The following TRRAP variants were observed in gnomAD, a reference collection of about 807,000 sequenced individuals.
The protein encoded by TRRAP is transformation/transcription domain associated protein, also known as transformation/transcription domain-associated protein.
TRRAP carries 41 observed loss-of-function variants against 438.8 expected under a neutral mutation model. That is an observed-to-expected ratio of 0.09 (90% CI 0.07 to 0.12). The LOEUF (loss-of-function observed/expected upper bound fraction) is 0.12, where lower values mean the gene tolerates loss of function less well. Ranked by LOEUF, TRRAP falls within the 10% of genes least tolerant of loss-of-function variation. The pLI is 1.00. For synonymous variants in TRRAP, 1,994 were observed against 1,962.9 expected, an observed-to-expected ratio of 1.02 and a Z score of -0.42; for missense variants, 3,122 against 5,055.1, an observed-to-expected ratio of 0.62 and a Z score of 11.60.
intron 31 of TRRAP, among the ~76,000 whole-genome samples, chr7:98,945,238 G>A (rs1213834313): frequency 6.6e-6 from 1 of 152,108 alleles, no homozygotes; most frequent in Non-Finnish European, 1.5e-5. Context: ...ACATACATGC[G>A]TGCACACACA....
chr7:98,891,675 A>G (rs1795986094), intron 4 of TRRAP, among the ~76,000 whole-genome samples: 2 of 151,346 alleles, frequency 1.3e-5, no homozygotes, highest in Non-Finnish European at 2.9e-5. Flanking sequence ...AGCTGGGACT[A>G]CAGGCGCCTG....
chr7:98,989,910 G>C (rs979867991), intron 63 of TRRAP, among the ~76,000 whole-genome samples: 1 of 152,206 alleles, frequency 6.6e-6, no homozygotes, highest in Non-Finnish European at 1.5e-5. Flanking sequence ...CAGTGGATTA[G>C]ATCAGCGAGT....
At chr7:99,010,311 T>A (rs1794373599) in intron 70 of TRRAP, among the ~76,000 whole-genome samples, 1 of 152,228 alleles carries the variant, frequency 6.6e-6, no homozygotes, top group South Asian at 2.1e-4. Flanking sequence ...TCTCACTGCT[T>A]AAGGAGCAGA....
In TRRAP at chr7:99,011,564, C is replaced by A; in HGVS notation, c.11337+29C>A. 1 of 1,603,966 alleles carries A rather than the reference C, an allele frequency of 6.2e-7. No individual in the cohort carries two copies. The highest frequency in any genetic ancestry group is 8.5e-7 in the Non-Finnish European group (1 of 1,175,280). ...GGTCTCCACGTCGTCCTATCACAGG[C>A]GCAGGCTAGAGCCACTCAGATGCCC... On this transcript the variant is annotated intron_variant, in intron 72 of 72. Transcript: ENST00000456197. The surrounding 1 kb of genome is among the most constrained non-coding windows in gnomAD (Gnocchi z 7.1).
At position 98,956,875 on chromosome 7, in the gene TRRAP, G is replaced by A. The variant is rs575133621; in HGVS notation, c.6231+342G>A. Among the ~76,000 whole-genome samples, 3 of 152,280 alleles carry A rather than the reference G, an allele frequency of 2.0e-5. No homozygotes were observed. Among genetic ancestry groups the A allele is most frequent in the East Asian group, 1.9e-4 (1 of 5,184 alleles). On this transcript the variant is annotated intron_variant, in intron 43 of 72. Coordinates refer to ENST00000456197, the MANE Select transcript of TRRAP (RefSeq NM_001375524.1). This position sits in a 1 kb window ranked among gnomAD's most constrained non-coding sequence, Gnocchi z 4.5. ...AGTTTCTGAGAAGGACATGTGTTCT[G>A]TTTCACGAGGCAGCCACCAAGAGGG...
intron 59 of TRRAP, among the ~76,000 whole-genome samples, chr7:98,982,496 C>T (rs60728304): frequency 2.6e-5 from 4 of 152,216 alleles, no homozygotes; most frequent in Non-Finnish European, 5.9e-5. Context: ...GAACCTGAGA[C>T]AGCGGGCATA....
chr7:98,953,875 G>C (rs1791462846), intron 40 of TRRAP, among the ~76,000 whole-genome samples: 1 of 152,172 alleles, frequency 6.6e-6, no homozygotes, highest in Non-Finnish European at 1.5e-5. Flanking sequence ...TCCCATGACT[G>C]TCCACGTTCT....
In TRRAP at chr7:98,976,644, C is replaced by T. The variant is rs1442544159; in HGVS notation, c.8121C>T (p.His2707=). The T allele has an allele frequency of 1.2e-6, 2 of 1,614,232 alleles. No homozygotes were observed. The highest frequency in any genetic ancestry group is 1.7e-6 in the Non-Finnish European group (2 of 1,180,050). The change falls in exon 55 of 73, where the codon CAC becomes CAT. Residue 2707 remains histidine, a synonymous_variant. Transcript: ENST00000456197. This position sits in a 1 kb window ranked among gnomAD's most constrained non-coding sequence, Gnocchi z 4.6. ...TCCTGAAGTACCTGGGGAAGACACACAACCTCTGGTTCCGGTCCACGCTGA... is the reference window on the plus strand; with the variant it reads ...TCCTGAAGTACCTGGGGAAGACACATAACCTCTGGTTCCGGTCCACGCTGA... ...PCVLKYLGKT[H]NLWFRSTLML...
chr7:98,984,413 G>A, intron 61 of TRRAP, 55 bp downstream of exon 61: 1 of 1,481,130 alleles, frequency 6.8e-7, no homozygotes, highest in Non-Finnish European at 9.0e-7. Flanking sequence ...GCCAGGTGGA[G>A]AATGAGGCAA....
chr7:98,901,855 T>C (rs1296922143), intron 11 of TRRAP, among the ~76,000 whole-genome samples: 1 of 152,230 alleles, frequency 6.6e-6, no homozygotes, highest in Non-Finnish European at 1.5e-5. Flanking sequence ...AACAGCGTTA[T>C]TGAGATATAG....
intron 69 of TRRAP, 44 bp from the exon 70 acceptor site, chr7:99,008,333 G>A (rs777906982): frequency 1.3e-5 from 21 of 1,589,234 alleles, no homozygotes; most frequent in East Asian, 8.9e-5. Context: ...GCACTGGCCC[G>A]CGGTCACCCT....
intron 18 of TRRAP, among the ~76,000 whole-genome samples, chr7:98,914,489 G>A (rs941733330): frequency 6.6e-6 from 1 of 151,748 alleles, no homozygotes; most frequent in African/African-American, 2.4e-5. Context: ...TTTTTTGCCA[G>A]CATTAGATAT....
intron 53 of TRRAP, among the ~76,000 whole-genome samples, chr7:98,972,666 C>G (rs548423749): frequency 2.6e-5 from 4 of 152,268 alleles, no homozygotes; most frequent in African/African-American, 9.6e-5. Context: ...CTCCGTGTAC[C>G]AGGTTGCTTT....
In TRRAP at chr7:98,978,784, G is replaced by C. The variant is rs764708349; in HGVS notation, c.8514G>C (p.Leu2838Phe). 6.2e-7 allele frequency: 1 copy of C among 1,614,222 alleles called. No homozygotes were observed. The highest frequency in any genetic ancestry group is 8.5e-7 in the Non-Finnish European group (1 of 1,180,050). The change falls in exon 58 of 73, where the codon TTG becomes TTC. Residue 2838 changes from leucine to phenylalanine, a missense_variant. Physicochemically the swap from Leu to Phe is conservative, Grantham distance 22. Coordinates refer to ENST00000456197, the MANE Select transcript of TRRAP (RefSeq NM_001375524.1). ...GGTCTTCTAGATGCTCCAAGGAATTGAACCAGTGGGAAGCCCTGACGGAGT... is the reference window on the plus strand; with the variant it reads ...GGTCTTCTAGATGCTCCAAGGAATTCAACCAGTGGGAAGCCCTGACGGAGT... ...EDHWIRCSKE[L>F]NQWEALTEYG...
chr7:98,953,644 GGA>G (rs1297493556), intron 40 of TRRAP, among the ~76,000 whole-genome samples: 1 of 152,174 alleles, frequency 6.6e-6, no homozygotes. Flanking sequence ...CGGGGGTTGG[GGA>G]GAGGGGGTGG....
chr7:98,933,580 G>A (rs797022894), intron 27 of TRRAP, among the ~76,000 whole-genome samples, 178 bp downstream of exon 27: 23 of 152,292 alleles, frequency 1.5e-4, no homozygotes, highest in African/African-American at 4.8e-4. Flanking sequence ...GGGCTCGGGC[G>A]GAAGGGAGGT....
In TRRAP at chr7:98,976,008, G is replaced by A. The variant is rs73395140; in HGVS notation, c.7840-141G>A. On this transcript the variant is annotated intron_variant, in intron 53 of 72. Coordinates refer to ENST00000456197, the MANE Select transcript of TRRAP (RefSeq NM_001375524.1). The surrounding 1 kb of genome is among the most constrained non-coding windows in gnomAD (Gnocchi z 4.6). ...ATCTGTGGGCTTTTACTCTAACATG[G>A]CATTTTCTCAGATCTTTGAAACTTT... 2.7e-6 allele frequency: 3 copies of A among 1,124,412 alleles called. No homozygotes were observed. The highest frequency in any genetic ancestry group is 2.4e-6 in the Non-Finnish European group (2 of 819,598). The allele number at this position is 1,124,412 out of a possible 1,614,324, so 69.7% of individuals were successfully genotyped here.
At chr7:98,944,742 G>C (rs146032337) in intron 31 of TRRAP, among the ~76,000 whole-genome samples, 3 of 152,206 alleles carry the variant, frequency 2.0e-5, no homozygotes, top group East Asian at 3.8e-4. Flanking sequence ...ACAGTGTTCC[G>C]TTGAGACACT....
chr7:98,879,917 T>C (rs185967838), intron 1 of TRRAP, among the ~76,000 whole-genome samples: 1 of 152,238 alleles, frequency 6.6e-6, no homozygotes, highest in East Asian at 1.9e-4. Flanking sequence ...AACGAAGCCA[T>C]GAAACCACCT....
Sources: allele counts gnomAD v4.1 joint callset (sites outside exome capture counted in the v4.1 genomes callset), GRCh38; gene constraint gnomAD v4.1.1; non-coding constraint Gnocchi (gnomAD v3.1); transcripts MANE v1.5; gene names NCBI Gene and HGNC (gene_info 2026-07-23, HGNC 2026-07-21).